Variants in LPCAT3 observed in about 807,000 individuals in gnomAD.
LPCAT3 encodes lysophospholipid acyltransferase 5.
In LPCAT3, 21 loss-of-function variants were observed where a neutral mutation model predicts 63.4. The ratio of observed to expected loss-of-function variants is 0.33; its 90% CI spans 0.23 to 0.48. LPCAT3 has a LOEUF of 0.48. Ranked by LOEUF, LPCAT3 falls within the 20% of genes least tolerant of loss-of-function variation. LPCAT3 has a pLI of 0.99. For synonymous variants in LPCAT3, 242 were observed against 227.5 expected (o/e 1.06, Z -0.58); for missense variants, 451 against 590.6 (o/e 0.76, Z 2.45).
Position 7,014,841 on chromosome 12 carries a change from C to T in LPCAT3, c.151+3433G>A, listed in dbSNP as rs116740061. On this transcript the variant is annotated intron_variant, in intron 1 of 12. Transcript: ENST00000261407. Reference sequence around the variant, plus strand: ...CTGGGAGGCGGAGGTTGCAATGAGCCGACATCGAGCCACTGCACTCCAGTG... The same window carrying T: ...CTGGGAGGCGGAGGTTGCAATGAGCTGACATCGAGCCACTGCACTCCAGTG... Among the ~76,000 whole-genome samples the T allele has an allele frequency of 2.9e-3, 423 of 147,168 alleles. 1 individual carries two copies. Among genetic ancestry groups the T allele is most frequent in the African/African-American group, 9.9e-3 (388 of 39,234 alleles).
intron 1 of LPCAT3, among the ~76,000 whole-genome samples, chr12:7,002,671 C>A (rs1216303106): frequency 6.6e-6 from 1 of 152,170 alleles, no homozygotes; most frequent in African/African-American, 2.4e-5. Context: ...GGTTCTCTCA[C>A]CCTTTTTATA....
intron 1 of LPCAT3, among the ~76,000 whole-genome samples, chr12:6,994,197 T>G (rs1555155828): frequency 1.3e-5 from 2 of 152,110 alleles, no homozygotes. Context: ...GGAATGGATC[T>G]CCTGGATCTT....
In LPCAT3 at chr12:6,977,951, C is replaced by T. The variant is rs1015535417; in HGVS notation, c.1041-206G>A. 51 of 603,072 alleles carry T rather than the reference C, an allele frequency of 8.5e-5. No individual in the cohort carries two copies. The highest frequency in any genetic ancestry group is 6.9e-4 in the African/African-American group (37 of 53,956). 37.4% of individuals were successfully genotyped at this position (603,072 alleles called of 1,614,324 possible). The stretch of plus-strand genomic sequence containing the variant: ...GGCGGAGCTGGAGACCGTGTGCGCA[C>T]GAGCCACTTGGTTCAGCAGCAGTGA... On this transcript the variant is annotated intron_variant, in intron 9 of 12. Transcript: ENST00000261407. This position sits in a 1 kb window ranked among gnomAD's most constrained non-coding sequence, Gnocchi z 4.5.
At chr12:6,980,934 GCT>G (rs141731841) in intron 6 of LPCAT3, 68 bp downstream of exon 6, 84,699 of 1,442,782 alleles carry the variant, frequency 0.059, 2,811 homozygotes, top group African/African-American at 0.093. Context: ...GGAGAATGCA[GCT>G]TTCAGAAGAG....
intron 1 of LPCAT3, among the ~76,000 whole-genome samples, chr12:6,998,587 T>C (rs782506490): frequency 1.8e-4 from 27 of 152,374 alleles, no homozygotes; most frequent in African/African-American, 6.0e-4. Context: ...TTAGGTTCAG[T>C]GCTTAGAACT....
At chr12:7,012,574 A>G (rs782417377) in intron 1 of LPCAT3, among the ~76,000 whole-genome samples, 4 of 152,244 alleles carry the variant, frequency 2.6e-5, no homozygotes, top group Non-Finnish European at 4.4e-5. Context: ...CAACATTAAC[A>G]TACCCAATCA....
chr12:6,979,502 G>T lies in LPCAT3; in HGVS notation c.755C>A (p.Thr252Lys). 4 of 1,613,898 alleles carry T rather than the reference G, an allele frequency of 2.5e-6. No individual in the cohort carries two copies. Among genetic ancestry groups the T allele is most frequent in the Non-Finnish European group, 3.4e-6 (4 of 1,179,756 alleles). ...GTCTTCAGTGAGGAGATAGTCTTCT[G>T]TGATGTGGGGGCTGAGCAGTGTGTA... Reference protein sequence around the residue: ...VGYTLLSPHITEDYLLTEDYD... With the variant: ...VGYTLLSPHIKEDYLLTEDYD... The change falls in exon 7 of 13, where the codon ACA (threonine) becomes AAA (lysine). Residue 252 changes from threonine (T) to lysine (K), a missense_variant. Transcript: ENST00000261407.
intron 1 of LPCAT3, among the ~76,000 whole-genome samples, chr12:6,998,600 A>C (rs1280781800): frequency 5.3e-5 from 8 of 152,266 alleles, no homozygotes; most frequent in African/African-American, 1.9e-4. Context: ...TTAGAACTTC[A>C]TATAATGAGA....
At chr12:6,980,555 T>A (rs1043256588) in intron 6 of LPCAT3, among the ~76,000 whole-genome samples, 88 of 151,984 alleles carry the variant, frequency 5.8e-4, no homozygotes, top group African/African-American at 1.9e-3. Context: ...AGAGTCTCTC[T>A]ATGTTGCCAG....
chr12:6,984,219 TA>T (rs1222067078), intron 1 of LPCAT3, among the ~76,000 whole-genome samples: 1 of 152,190 alleles, frequency 6.6e-6, no homozygotes, highest in Non-Finnish European at 1.5e-5. Context: ...TTAAGTATAC[TA>T]AAAAAATGTC....
At chr12:7,006,958 T>C (rs781897935) in intron 1 of LPCAT3, among the ~76,000 whole-genome samples, 4 of 152,212 alleles carry the variant, frequency 2.6e-5, no homozygotes, top group African/African-American at 9.6e-5. Flanking sequence ...TATACAAATA[T>C]ATAGAGATCG....
chr12:6,977,546 C>T lies in LPCAT3; in HGVS notation c.1189-21G>A. The T allele has an allele frequency of 1.9e-6, 3 of 1,614,114 alleles. No homozygotes were observed. Among genetic ancestry groups the T allele is most frequent in the Non-Finnish European group, 8.5e-7 (1 of 1,180,012 alleles). On this transcript the variant is annotated intron_variant, in intron 10 of 12. Transcript: ENST00000261407. This position sits in a 1 kb window ranked among gnomAD's most constrained non-coding sequence, Gnocchi z 4.5. Reference sequence around the variant, plus strand: ...GCAGCCTGGGGAGGGAGGAGGAGCTCATCAGCATCTTGTCCCTTATATTCC... The same window carrying T: ...GCAGCCTGGGGAGGGAGGAGGAGCTTATCAGCATCTTGTCCCTTATATTCC...
chr12:7,013,385 T>TC (rs1165753268), intron 1 of LPCAT3, among the ~76,000 whole-genome samples: 2 of 152,156 alleles, frequency 1.3e-5, no homozygotes, highest in Non-Finnish European at 2.9e-5. Context: ...AGGCACAGGA[T>TC]CGGATCACTC....
intron 9 of LPCAT3, 70 bp downstream of exon 9, chr12:6,978,269 ACC>A: frequency 2.6e-6 from 4 of 1,518,668 alleles, no homozygotes; most frequent in Non-Finnish European, 2.7e-6. Flanking sequence ...GACATGGTAC[ACC>A]CCTGCCCTCC....
intron 1 of LPCAT3, among the ~76,000 whole-genome samples, chr12:7,004,810 C>T (rs1317206177): frequency 6.6e-6 from 1 of 152,194 alleles, no homozygotes; most frequent in Non-Finnish European, 1.5e-5. Context: ...CTGGTGGCTT[C>T]CTACGATCTA....
rs1946436133 is a variant in LPCAT3, at chr12:6,978,599, T to G, written c.873+4A>C. 1 of 1,614,144 alleles carries G rather than the reference T, an allele frequency of 6.2e-7. No individual in the cohort carries two copies. On this transcript the variant is annotated splice_donor_region_variant and intron_variant, in intron 8 of 12. Coordinates refer to ENST00000261407, the MANE Select transcript of LPCAT3 (RefSeq NM_005768.6). ...TAGGACCTTGTTTCAACTTTTCTAC[T>G]TACTGTGACCAGCCAACAGGTGACA... is the stretch of plus-strand genomic sequence containing the variant.
At position 6,987,897 on chromosome 12, in the gene LPCAT3, C is replaced by T; in HGVS notation, c.152-4358G>A. 1 of 400,508 alleles carries T rather than the reference C, an allele frequency of 2.5e-6. No homozygotes were observed. Among genetic ancestry groups the T allele is most frequent in the Non-Finnish European group, 4.4e-6 (1 of 226,126 alleles). 24.8% of individuals were successfully genotyped at this position (400,508 alleles called of 1,614,324 possible). ...CCTACACTGTCCTGAGTTCTGAGTT[C>T]TTGTGTCCACTTCTTATAGCCTGTC... On this transcript the variant is annotated intron_variant, in intron 1 of 12. Transcript: ENST00000261407. This position sits in a 1 kb window ranked among gnomAD's most constrained non-coding sequence, Gnocchi z 4.1.
intron 1 of LPCAT3, among the ~76,000 whole-genome samples, chr12:7,002,868 G>A (rs1170153936): frequency 6.6e-6 from 1 of 152,152 alleles, no homozygotes; most frequent in Non-Finnish European, 1.5e-5. Context: ...AGTTAGCTGG[G>A]CGTGGTGGCG....
intron 1 of LPCAT3, among the ~76,000 whole-genome samples, chr12:6,995,435 C>T (rs1381720855): frequency 2.0e-5 from 3 of 151,346 alleles, no homozygotes; most frequent in African/African-American, 7.3e-5. Context: ...GATCGTCTCA[C>T]TGTACTCCAG....
Sources: gnomAD v4.1 joint callset for allele counts (sites outside exome capture counted in the v4.1 genomes callset) on GRCh38, gnomAD v4.1.1 for gene constraint, Gnocchi (gnomAD v3.1) non-coding constraint, MANE v1.5 for transcripts, NCBI Gene and HGNC (gene_info 2026-07-23, HGNC 2026-07-21) for gene names.